ATG13: variants seen among roughly 807,000 people sequenced by gnomAD.
ATG13 encodes autophagy-related protein 13.
A neutral mutation model predicts 65.5 loss-of-function variants in ATG13; 23 were observed. That is an observed-to-expected ratio of 0.35 (90% CI 0.25 to 0.50). ATG13 has a LOEUF of 0.50. ATG13 is among the 20% of genes least tolerant of loss of function. The pLI, the probability that ATG13 is intolerant of heterozygous loss-of-function variation, is 0.98. For synonymous variants in ATG13, 252 were observed against 245.2 expected, an observed-to-expected ratio of 1.03 and a Z score of -0.26; for missense variants, 566 against 677.0, an observed-to-expected ratio of 0.84 and a Z score of 1.82.
intron 5 of ATG13, among the ~76,000 whole-genome samples, chr11:46,647,759 T>A (rs903802241): frequency 3.3e-5 from 5 of 150,922 alleles, no homozygotes; most frequent in South Asian, 2.1e-4. Flanking sequence ...AAAAAAAAAA[T>A]TTTGTAGAGA....
chr11:46,664,772 T>A (rs2061930403), intron 12 of ATG13, 77 bp from the exon 13 acceptor site: 3 of 1,330,150 alleles, frequency 2.3e-6, no homozygotes, highest in Non-Finnish European at 3.2e-6. Flanking sequence ...TACTGAGCCA[T>A]CTTGTTTGTC....
chr11:46,654,066 T>C (rs1042243363), intron 7 of ATG13, among the ~76,000 whole-genome samples: 3 of 151,372 alleles, frequency 2.0e-5, no homozygotes, highest in Non-Finnish European at 4.4e-5. Context: ...TTTTTTTTTT[T>C]CAGAATAGTC....
chr11:46,653,805 A>G (rs113695576), intron 7 of ATG13, among the ~76,000 whole-genome samples: 1,918 of 150,160 alleles, frequency 0.013, 50 homozygotes, highest in African/African-American at 0.045. Flanking sequence ...TCCTGACCTC[A>G]TGATCCACCC....
intron 2 of ATG13, among the ~76,000 whole-genome samples, chr11:46,638,779 A>G (rs901279614): frequency 1.3e-5 from 2 of 151,860 alleles, no homozygotes; most frequent in Non-Finnish European, 2.9e-5. Flanking sequence ...TTCTGTGGCT[A>G]ATTTCCATGA....
At chr11:46,635,382 A>G (rs2053598767) in intron 2 of ATG13, among the ~76,000 whole-genome samples, 1 of 152,212 alleles carries the variant, frequency 6.6e-6, no homozygotes, top group Non-Finnish European at 1.5e-5. Flanking sequence ...TTTGATAAAT[A>G]TATACATTGT....
rs1350644943 is a variant in ATG13 at position 46,674,320 on chromosome 11, C to T, written c.*1988C>T. 2.0e-5 allele frequency: 3 copies of T among 152,272 alleles called. No individual in the cohort carries two copies. The highest frequency in any genetic ancestry group is 1.3e-4 in the Admixed American group (2 of 15,272). 9.4% of individuals were successfully genotyped at this position (152,272 alleles called of 1,614,324 possible). A position where few individuals can be genotyped will look rare whatever the true frequency, so the allele number is the denominator to read the frequency against. On this transcript the variant is annotated 3_prime_UTR_variant, in exon 19 of 19. Transcript: ENST00000683050. ...CAACTGTTAAGGCCAGCCCTTGCCCCTCAGACCTGCCATGAAAGGAATGAG... is the reference window on the plus strand; with the variant it reads ...CAACTGTTAAGGCCAGCCCTTGCCCTTCAGACCTGCCATGAAAGGAATGAG...
At chr11:46,645,797 C>G in intron 4 of ATG13, 73 bp from the exon 5 acceptor site, 1 of 1,586,154 alleles carries the variant, frequency 6.3e-7, no homozygotes, top group Non-Finnish European at 8.6e-7. Flanking sequence ...CTTGCATTAC[C>G]CAGCATACAC....
chr11:46,668,666 T>C, intron 16 of ATG13, 90 bp downstream of exon 16: 1 of 1,518,596 alleles, frequency 6.6e-7, no homozygotes, highest in Non-Finnish European at 9.1e-7. Flanking sequence ...CCACAGACTA[T>C]AAACCATGGC....
chr11:46,633,024 A>T lies in ATG13; in HGVS notation c.-14+2924A>T, dbSNP rs1250078309. ...AAAAAATATATATATATATATATAT[A>T]TATTTTTTTTTTTTTTTGGCAACGG... On this transcript the variant is annotated intron_variant, in intron 2 of 18. Transcript: ENST00000683050. Among the ~76,000 whole-genome samples the T allele has an allele frequency of 2.4e-3, 239 of 99,842 alleles. 1 individual carries two copies. The highest frequency in any genetic ancestry group is 6.7e-3 in the African/African-American group (105 of 15,764). The allele number at this position is 99,842 out of a possible 152,430, so 65.5% of individuals were successfully genotyped here. A position where few individuals can be genotyped will look rare whatever the true frequency, so the allele number is the denominator to read the frequency against.
chr11:46,633,973 T>A (rs746248394), intron 2 of ATG13, among the ~76,000 whole-genome samples: 23 of 152,214 alleles, frequency 1.5e-4, no homozygotes, highest in Non-Finnish European at 3.1e-4. Flanking sequence ...AATCCTGGAC[T>A]TTGGTACAGG....
chr11:46,624,913 G>A (rs971998512), intron 1 of ATG13, among the ~76,000 whole-genome samples: 53 of 152,056 alleles, frequency 3.5e-4, no homozygotes, highest in Non-Finnish European at 5.9e-5. Flanking sequence ...TGCACCTGTA[G>A]TCCCAGCTGA....
intron 1 of ATG13, among the ~76,000 whole-genome samples, chr11:46,626,050 G>C (rs1387837947): frequency 6.6e-6 from 1 of 152,090 alleles, no homozygotes; most frequent in Non-Finnish European, 1.5e-5. Context: ...CCGTCTCCCA[G>C]GTTCACACCA....
intron 2 of ATG13, among the ~76,000 whole-genome samples, chr11:46,634,575 A>G (rs962452849): frequency 4.0e-5 from 6 of 150,188 alleles, no homozygotes; most frequent in Admixed American, 4.0e-4. Context: ...TTGTATTTTT[A>G]GTAGAGACAG....
chr11:46,654,455 T>C (rs763027060), intron 7 of ATG13, among the ~76,000 whole-genome samples: 18 of 151,506 alleles, frequency 1.2e-4, no homozygotes, highest in Non-Finnish European at 2.1e-4. Context: ...GGGCAGTGGC[T>C]CACACCTGTA....
intron 1 of ATG13, among the ~76,000 whole-genome samples, chr11:46,623,082 C>T (rs950583165): frequency 5.3e-5 from 8 of 151,740 alleles, no homozygotes; most frequent in South Asian, 2.1e-4. Context: ...ATCACGAGGT[C>T]GGGAGACCAT....
intron 1 of ATG13, among the ~76,000 whole-genome samples, chr11:46,621,826 A>C (rs773804815): frequency 1.3e-5 from 2 of 151,916 alleles, no homozygotes; most frequent in Non-Finnish European, 2.9e-5. Flanking sequence ...TGTGTTTGTC[A>C]AAAGGACCTA....
intron 7 of ATG13, among the ~76,000 whole-genome samples, chr11:46,653,837 G>A (rs1310813537): frequency 6.6e-6 from 1 of 151,948 alleles, no homozygotes; most frequent in African/African-American, 2.4e-5. Context: ...CCAAAGTGCT[G>A]GGATTACAGG....
intron 3 of ATG13, among the ~76,000 whole-genome samples, chr11:46,644,952 T>G (rs2057135694): frequency 1.3e-5 from 2 of 152,236 alleles, no homozygotes; most frequent in Non-Finnish European, 2.9e-5. Context: ...AATTGTGGAA[T>G]TTTTGTTTTA....
chr11:46,665,026 G>A, intron 13 of ATG13, 67 bp downstream of exon 13: 8 of 1,461,602 alleles, frequency 5.5e-6, no homozygotes, highest in South Asian at 1.2e-5. Flanking sequence ...GGCAATTGAG[G>A]GGTCTCTCAA....
Sources: allele counts gnomAD v4.1 joint callset (sites outside exome capture counted in the v4.1 genomes callset), GRCh38; gene constraint gnomAD v4.1.1; transcripts MANE v1.5; gene names NCBI Gene and HGNC (gene_info 2026-07-23, HGNC 2026-07-21).